The following AMBRA1 variants were observed in gnomAD, a reference collection of about 807,000 sequenced individuals.
AMBRA1 encodes autophagy and beclin 1 regulator 1.
Under a neutral mutation model 125.4 loss-of-function variants are expected in AMBRA1, and 47 were observed. The ratio of observed to expected loss-of-function variants is 0.37; its 90% CI spans 0.30 to 0.48. AMBRA1 has a LOEUF of 0.48. Among genes scored for constraint, AMBRA1 ranks in the 20% least tolerant of loss-of-function variants. The pLI is 0.99. For synonymous variants in AMBRA1, 626 were observed against 655.5 expected (o/e 0.95, Z 0.69); for missense variants, 1,331 against 1,693.4 (o/e 0.79, Z 3.76).
chr11:46,443,880 T>C (rs1948142140), intron 11 of AMBRA1, among the ~76,000 whole-genome samples: 1 of 152,222 alleles, frequency 6.6e-6, no homozygotes, highest in African/African-American at 2.4e-5. Context: ...GTACTGTACA[T>C]ACATGGTCTG....
intron 1 of AMBRA1, among the ~76,000 whole-genome samples, chr11:46,585,644 T>G (rs568391313): frequency 1.4e-5 from 1 of 71,474 alleles, no homozygotes; most frequent in Non-Finnish European, 2.5e-5. Flanking sequence ...CCAGCCTGGG[T>G]GACAGAGCAA....
At chr11:46,493,829 A>G in intron 10 of AMBRA1, 121 bp from the exon 11 acceptor site, 3 of 751,226 alleles carry the variant, frequency 4.0e-6, no homozygotes, top group Admixed American at 6.0e-5. Flanking sequence ...CCAGAAAGAA[A>G]TAAAATCTCC....
At chr11:46,514,974 AC>A (rs1951413532) in intron 7 of AMBRA1, among the ~76,000 whole-genome samples, 1 of 152,176 alleles carries the variant, frequency 6.6e-6, no homozygotes, top group African/African-American at 2.4e-5. Context: ...CATTTAACAA[AC>A]CAGTTCTTCA....
At position 46,548,453 on chromosome 11, in the gene AMBRA1, A is replaced by G; in HGVS notation, c.-73T>C. On this transcript the variant is annotated 5_prime_UTR_variant, in exon 2 of 18. Coordinates refer to ENST00000683756, the MANE Select transcript of AMBRA1 (RefSeq NM_001387011.1). ...AGTAACAGCTCCAACACACTGAAGC[A>G]GCTAAAATGAGGCCATACAGGTCCT... 1 of 1,586,132 alleles carries G rather than the reference A, an allele frequency of 6.3e-7. No homozygotes were observed. The highest frequency in any genetic ancestry group is 1.1e-5 in the South Asian group (1 of 89,612).
chr11:46,449,252 ATC>A (rs1948459734), intron 11 of AMBRA1, among the ~76,000 whole-genome samples: 1 of 152,194 alleles, frequency 6.6e-6, no homozygotes, highest in Non-Finnish European at 1.5e-5. Context: ...ATTGGAAGAA[ATC>A]TGTTTGTTGC....
intron 1 of AMBRA1, among the ~76,000 whole-genome samples, chr11:46,576,999 C>T (rs1334270509): frequency 6.6e-6 from 1 of 152,102 alleles, no homozygotes; most frequent in Non-Finnish European, 1.5e-5. Flanking sequence ...CAATCTAAGC[C>T]CAGCCAACAA....
chr11:46,546,526 G>A (rs1008760681), intron 4 of AMBRA1, among the ~76,000 whole-genome samples: 3 of 151,870 alleles, frequency 2.0e-5, no homozygotes, highest in African/African-American at 7.3e-5. Context: ...ATATCTTAGA[G>A]CCTCCTGTAC....
At chr11:46,448,808 A>G (rs1001797444) in intron 11 of AMBRA1, among the ~76,000 whole-genome samples, 1 of 152,244 alleles carries the variant, frequency 6.6e-6, no homozygotes, top group Non-Finnish European at 1.5e-5. Context: ...AGGGAATACT[A>G]TGAACAACCG....
chr11:46,401,006 G>A (rs1185983391), intron 17 of AMBRA1, among the ~76,000 whole-genome samples: 1 of 152,176 alleles, frequency 6.6e-6, no homozygotes, highest in Non-Finnish European at 1.5e-5. Context: ...TAACAGTGGG[G>A]CAGAAGGTAA....
At chr11:46,476,489 C>T (rs745789014) in intron 11 of AMBRA1, among the ~76,000 whole-genome samples, 1 of 148,060 alleles carries the variant, frequency 6.8e-6, no homozygotes, top group Non-Finnish European at 1.5e-5. Flanking sequence ...AGGACCTTCA[C>T]ATTCTTCCCA....
intron 9 of AMBRA1, chr11:46,504,675 T>A (rs1179028497): frequency 6.6e-6 from 1 of 152,120 alleles, no homozygotes; most frequent in Non-Finnish European, 1.5e-5. Context: ...TTCATCTAGA[T>A]CACAAAAGAA....
intron 11 of AMBRA1, among the ~76,000 whole-genome samples, chr11:46,474,733 G>A (rs1949744688): frequency 6.6e-6 from 1 of 152,160 alleles, no homozygotes; most frequent in Non-Finnish European, 1.5e-5. Context: ...CTGTTGGACA[G>A]AGGGGGAAAT....
chr11:46,412,486 T>G (rs1338831710), intron 15 of AMBRA1, among the ~76,000 whole-genome samples: 1 of 152,076 alleles, frequency 6.6e-6, no homozygotes, highest in Admixed American at 6.6e-5. Flanking sequence ...AGACAGGGTT[T>G]CACCATGTTG....
At chr11:46,464,564 T>C (rs1168486404) in intron 11 of AMBRA1, among the ~76,000 whole-genome samples, 1 of 152,162 alleles carries the variant, frequency 6.6e-6, no homozygotes, top group Non-Finnish European at 1.5e-5. Context: ...GTGCATGTGT[T>C]CATGAGTGTG....
At chr11:46,567,625 T>G (rs2043581105) in intron 1 of AMBRA1, among the ~76,000 whole-genome samples, 1 of 152,146 alleles carries the variant, frequency 6.6e-6, no homozygotes, top group Non-Finnish European at 1.5e-5. Flanking sequence ...CCTCCCAAAG[T>G]GCTGGGATTA....
intron 14 of AMBRA1, chr11:46,429,109 G>T: frequency 6.2e-7 from 1 of 1,606,464 alleles, no homozygotes; most frequent in Non-Finnish European, 8.5e-7. Flanking sequence ...CCTTAAAAAG[G>T]AGTTCATAAA....
At chr11:46,456,091 A>C (rs1948832314) in intron 11 of AMBRA1, among the ~76,000 whole-genome samples, 1 of 152,230 alleles carries the variant, frequency 6.6e-6, no homozygotes, top group South Asian at 2.1e-4. Context: ...CAAAGAAATG[A>C]GTATCATTAC....
chr11:46,591,195 G>A (rs1177143665), intron 1 of AMBRA1: 2 of 152,082 alleles, frequency 1.3e-5, no homozygotes, highest in South Asian at 2.1e-4. Flanking sequence ...TAAATTCTAC[G>A]CAGAACTTAT....
chr11:46,543,475 T>G (rs1952852846), intron 6 of AMBRA1, 77 bp from the exon 7 acceptor site: 1 of 1,541,032 alleles, frequency 6.5e-7, no homozygotes, highest in Admixed American at 2.1e-5. Context: ...CAAGAAAAAC[T>G]AACCACTGAC....
Sources: gnomAD v4.1 joint callset for allele counts (sites outside exome capture counted in the v4.1 genomes callset) on GRCh38, gnomAD v4.1.1 for gene constraint, MANE v1.5 for transcripts, NCBI Gene and HGNC (gene_info 2026-07-23, HGNC 2026-07-21) for gene names.